SLC16A12: variants seen among roughly 807,000 people sequenced by gnomAD.
The protein encoded by SLC16A12 is solute carrier family 16 member 12, also known as monocarboxylate transporter 12.
SLC16A12 carries 17 observed loss-of-function variants against 42.4 expected under a neutral mutation model. The observed-to-expected ratio is 0.40, with a 90% CI of 0.27 to 0.60. The LOEUF (loss-of-function observed/expected upper bound fraction) is 0.60, where lower values mean the gene tolerates loss of function less well. SLC16A12 is among the 20% of genes least tolerant of loss of function. The probability of loss-of-function intolerance (pLI) is 0.42; values close to 1 mark genes in which losing one functional copy is unlikely to be tolerated. For synonymous variants in SLC16A12, 224 were observed against 229.4 expected (o/e 0.98, Z 0.21); for missense variants, 544 against 623.0 (o/e 0.87, Z 1.35).
At chr10:89,508,848 G>A (rs1413997464) in intron 2 of SLC16A12, among the ~76,000 whole-genome samples, 1 of 152,012 alleles carries the variant, frequency 6.6e-6, no homozygotes, top group Non-Finnish European at 1.5e-5. Context: ...TAATAAAGAA[G>A]AAAAGAGACA....
intron 2 of SLC16A12, among the ~76,000 whole-genome samples, chr10:89,520,426 C>T (rs1252204972): frequency 6.6e-6 from 1 of 152,146 alleles, no homozygotes; most frequent in Non-Finnish European, 1.5e-5. Context: ...TAATACAATA[C>T]AAATTCAAGC....
chr10:89,457,902 T>C (rs1322965303), intron 3 of SLC16A12, among the ~76,000 whole-genome samples: 2 of 152,210 alleles, frequency 1.3e-5, no homozygotes, highest in African/African-American at 4.8e-5. Context: ...CTGATTGTGA[T>C]TGTGGTGTTC....
At chr10:89,500,367 T>C (rs144790728) in intron 2 of SLC16A12, among the ~76,000 whole-genome samples, 5 of 152,242 alleles carry the variant, frequency 3.3e-5, no homozygotes, top group Admixed American at 2.6e-4. Context: ...ATATCCCTGA[T>C]GAATATAGAT....
chr10:89,442,795 T>A (rs1273247557), intron 4 of SLC16A12, among the ~76,000 whole-genome samples: 4 of 152,172 alleles, frequency 2.6e-5, no homozygotes, highest in Non-Finnish European at 5.9e-5. Flanking sequence ...TAAATGAATT[T>A]TTTTTCCAAA....
chr10:89,516,105 G>A (rs551470989), intron 2 of SLC16A12, among the ~76,000 whole-genome samples: 32 of 152,260 alleles, frequency 2.1e-4, no homozygotes, highest in Non-Finnish European at 3.1e-4. Context: ...GGAACACACC[G>A]GTGTGTCCGA....
chr10:89,487,427 G>C (rs1342627496), intron 2 of SLC16A12, among the ~76,000 whole-genome samples: 1 of 151,976 alleles, frequency 6.6e-6, no homozygotes, highest in Non-Finnish European at 1.5e-5. Flanking sequence ...ATGGAAAACA[G>C]TATGGAGATT....
In SLC16A12 at chr10:89,432,904, G is replaced by A. The variant is rs1322045082; in HGVS notation, c.*160C>T. The stretch of plus-strand genomic sequence containing the variant: ...GGGCTAGTCCAGCTTTCCTTATTAT[G>A]TGCTGTTTTCCCTTATAAATATTAA... On this transcript the variant is annotated 3_prime_UTR_variant, in exon 8 of 8. Transcript: ENST00000371790. 2 of 1,012,392 alleles carry A rather than the reference G, an allele frequency of 2.0e-6. No homozygotes were observed. Among genetic ancestry groups the A allele is most frequent in the Non-Finnish European group, 2.8e-6 (2 of 716,732 alleles). The allele number at this position is 1,012,392 out of a possible 1,614,324, so 62.7% of individuals were successfully genotyped here. A position where few individuals can be genotyped will look rare whatever the true frequency, so the allele number is the denominator to read the frequency against.
At chr10:89,532,801 A>G (rs997807485) in intron 2 of SLC16A12, among the ~76,000 whole-genome samples, 3 of 152,252 alleles carry the variant, frequency 2.0e-5, no homozygotes, top group Non-Finnish European at 4.4e-5. Context: ...TTAAAACTGG[A>G]ATGTCTAATA....
chr10:89,444,711 G>A (rs1190383079), intron 3 of SLC16A12, among the ~76,000 whole-genome samples: 2 of 152,208 alleles, frequency 1.3e-5, no homozygotes, highest in Non-Finnish European at 2.9e-5. Context: ...GGTGATTTCT[G>A]CATTTCCAAC....
intron 2 of SLC16A12, among the ~76,000 whole-genome samples, chr10:89,525,504 G>T (rs1182051139): frequency 6.6e-6 from 1 of 152,116 alleles, no homozygotes; most frequent in Non-Finnish European, 1.5e-5. Flanking sequence ...AGTAAGAAAG[G>T]AAGGAAAAAA....
chr10:89,508,206 T>A (rs934218484), intron 2 of SLC16A12, among the ~76,000 whole-genome samples: 5 of 152,156 alleles, frequency 3.3e-5, no homozygotes, highest in African/African-American at 1.2e-4. Flanking sequence ...GGACTTAAAC[T>A]CAGCTCTGGA....
chr10:89,436,484 G>C (rs533981535), intron 6 of SLC16A12, among the ~76,000 whole-genome samples, 165 bp from the exon 7 acceptor site: 1 of 152,122 alleles, frequency 6.6e-6, no homozygotes, highest in Non-Finnish European at 1.5e-5. Flanking sequence ...GCAAATGCAA[G>C]AATTCATCTC....
intron 2 of SLC16A12, among the ~76,000 whole-genome samples, chr10:89,531,343 G>C (rs570003506): frequency 7.2e-5 from 11 of 152,112 alleles, no homozygotes; most frequent in Admixed American, 3.3e-4. Context: ...ATGTTGCAGT[G>C]AGTCGAAATA....
rs544712584 is a variant in SLC16A12 at position 89,462,442 on chromosome 10, C to G, written c.137G>C (p.Gly46Ala). 1 of 1,614,084 alleles carries G rather than the reference C, an allele frequency of 6.2e-7. No homozygotes were observed. Among genetic ancestry groups the G allele is most frequent in the African/African-American group, 1.3e-5 (1 of 75,040 alleles). The change falls in exon 3 of 8, where the codon GGC becomes GCC. Residue 46 changes from glycine (G) to alanine (A), a missense_variant. Transcript: ENST00000371790. The part of the protein sequence containing the change: ...RARSTSPPDG[G>A]WGWMIVAGCF... ...GCCAGCCACAATCATCCAGCCCCAG[C>G]CTCCATCTGGAGGGGAGGTAGACCG... is the stretch of plus-strand genomic sequence containing the variant.
At chr10:89,543,391 C>T (rs1028346657) in intron 2 of SLC16A12, among the ~76,000 whole-genome samples, 5 of 152,204 alleles carry the variant, frequency 3.3e-5, no homozygotes, top group African/African-American at 7.2e-5. Context: ...TTTGAATTCA[C>T]GGCTTAGCTC....
Position 89,463,312 on chromosome 10 carries a change from T to C in SLC16A12, c.-46-688A>G, listed in dbSNP as rs181774904. ...AAAATGCTGTAATTTTTTAAGTGTGTAATTGAAGTAAGAATAGAATGAGAA... is the reference window on the plus strand; with the variant it reads ...AAAATGCTGTAATTTTTTAAGTGTGCAATTGAAGTAAGAATAGAATGAGAA... On this transcript the variant is annotated intron_variant, in intron 2 of 7. Coordinates refer to ENST00000371790, the MANE Select transcript of SLC16A12 (RefSeq NM_213606.4). Among the ~76,000 whole-genome samples, 10 of 152,232 alleles carry C rather than the reference T, an allele frequency of 6.6e-5. No individual in the cohort carries two copies. In the East Asian group the frequency reaches 1.9e-3, roughly 29 times the overall value.
At chr10:89,470,857 A>G (rs759311685) in intron 2 of SLC16A12, among the ~76,000 whole-genome samples, 3 of 152,196 alleles carry the variant, frequency 2.0e-5, no homozygotes, top group Non-Finnish European at 4.4e-5. Flanking sequence ...GCATGGACCA[A>G]TGAGAACTTA....
chr10:89,508,034 T>A, intron 2 of SLC16A12, among the ~76,000 whole-genome samples: 1 of 152,184 alleles, frequency 6.6e-6, no homozygotes, highest in East Asian at 1.9e-4. Flanking sequence ...ATAACTATCC[T>A]AACTATATAT....
At chr10:89,553,774 C>G (rs534520175) in intron 2 of SLC16A12, among the ~76,000 whole-genome samples, 1 of 151,670 alleles carries the variant, frequency 6.6e-6, no homozygotes, top group African/African-American at 2.4e-5. Flanking sequence ...TTTGGGTGGA[C>G]CAGGAGGTCA....
Sources: gnomAD v4.1 joint callset for allele counts (sites outside exome capture counted in the v4.1 genomes callset) on GRCh38, gnomAD v4.1.1 for gene constraint, MANE v1.5 for transcripts, NCBI Gene and HGNC (gene_info 2026-07-23, HGNC 2026-07-21) for gene names.